WDR1: variants seen among roughly 807,000 people sequenced by gnomAD.
The protein encoded by WDR1 is WD repeat domain 1.
A neutral mutation model predicts 71.9 loss-of-function variants in WDR1; 21 were observed. That is an observed-to-expected ratio of 0.29 (90% CI 0.21 to 0.42). WDR1 has a LOEUF of 0.42. WDR1 is among the 10% of genes least tolerant of loss of function. The pLI, the probability that WDR1 is intolerant of heterozygous loss-of-function variation, is 1.00. For missense variants in WDR1, 696 were observed against 824.5 expected, an observed-to-expected ratio of 0.84 and a Z score of 1.91; for synonymous variants, 424 against 347.4, an observed-to-expected ratio of 1.22 and a Z score of -2.45.
rs1263805799 is a variant in WDR1, at chr4:10,078,975, C to T, written c.1311G>A (p.Lys437=). Residue 437 remains lysine (K), a synonymous_variant, in exon 12 of 15, where the codon AAG becomes AAA. Coordinates refer to ENST00000499869, the MANE Select transcript of WDR1 (RefSeq NM_017491.5). ...AGCCGGGGTTGTCGATGCTGAAGCA[C>T]TTCCTCTGATCCTTCAGCAGGACAA... is the stretch of plus-strand genomic sequence containing the variant. The part of the protein sequence containing the change: ...GQIVLLKDQR[K]CFSIDNPGYE... 2.5e-6 allele frequency: 4 copies of T among 1,611,480 alleles called. No individual in the cohort carries two copies. The highest frequency in any genetic ancestry group is 3.4e-6 in the Non-Finnish European group (4 of 1,178,534).
At chr4:10,085,086 G>A (rs1765160780) in intron 8 of WDR1, among the ~76,000 whole-genome samples, 1 of 152,228 alleles carries the variant, frequency 6.6e-6, no homozygotes, top group Non-Finnish European at 1.5e-5. Context: ...CCTGACTGCT[G>A]CAGTGGAGGG....
intron 5 of WDR1, chr4:10,093,233 G>A: frequency 9.5e-7 from 1 of 1,048,828 alleles, no homozygotes; most frequent in South Asian, 1.4e-5. Context: ...AGCTGACCCT[G>A]TACACAAGAG....
At chr4:10,098,183 C>T (rs772989641) in intron 4 of WDR1, among the ~76,000 whole-genome samples, 27 of 152,230 alleles carry the variant, frequency 1.8e-4, no homozygotes, top group Admixed American at 6.5e-4. Context: ...ATCTTTACAG[C>T]TTCACCATTC....
Position 10,081,378 on chromosome 4 carries a change from G to A in WDR1, c.1263C>T (p.Ala421=), listed in dbSNP as rs767832798. ...KCVAVGPGGY[A]VVVCIGQIVL... ...CTACCTGTCCAATGCACACGACCAC[G>A]GCGTATCCCCCGGGGCCGACGGCTA... The change falls in exon 11 of 15, where the codon GCC becomes GCT. Residue 421 remains alanine (A), a synonymous_variant. Transcript: ENST00000499869. 9.3e-6 allele frequency: 15 copies of A among 1,613,720 alleles called. No homozygotes were observed. The highest frequency in any genetic ancestry group is 1.6e-4 in the Middle Eastern group (1 of 6,082).
Position 10,116,096 on chromosome 4 carries a change from G to A in WDR1, c.138+17C>T. 3 of 1,610,682 alleles carry A rather than the reference G, an allele frequency of 1.9e-6. No homozygotes were observed. The highest frequency in any genetic ancestry group is 2.5e-6 in the Non-Finnish European group (3 of 1,178,252). On this transcript the variant is annotated intron_variant, in intron 2 of 14. Coordinates refer to ENST00000499869, the MANE Select transcript of WDR1 (RefSeq NM_017491.5). The stretch of plus-strand genomic sequence containing the variant: ...TGGCTCCGGAGCAGAACCGCGCCCG[G>A]GGTAGGGGGTACTCACGTCGATGTT...
intron 2 of WDR1, among the ~76,000 whole-genome samples, chr4:10,115,133 T>C (rs780485783): frequency 6.6e-6 from 1 of 152,182 alleles, no homozygotes; most frequent in African/African-American, 2.4e-5. Flanking sequence ...TACATCTTTG[T>C]GCCAGCCGCC....
At chr4:10,103,536 G>A (rs1015508295) in intron 3 of WDR1, among the ~76,000 whole-genome samples, 2 of 152,004 alleles carry the variant, frequency 1.3e-5, no homozygotes, top group Non-Finnish European at 2.9e-5. Flanking sequence ...GCTTCCCTGG[G>A]CCACAGATAA....
intron 5 of WDR1, among the ~76,000 whole-genome samples, chr4:10,093,315 G>T (rs974180346): frequency 1.3e-5 from 2 of 152,192 alleles, no homozygotes; most frequent in Admixed American, 6.5e-5. Context: ...TCGGTCCCCT[G>T]TGCCCAGTCC....
rs1480016060 is a variant in WDR1, at chr4:10,077,771, G to A, written c.1551C>T (p.Ser517=). 8 of 1,598,264 alleles carry A rather than the reference G, an allele frequency of 5.0e-6. No homozygotes were observed. The highest frequency in any genetic ancestry group is 1.1e-5 in the South Asian group (1 of 88,714). Residue 517 remains serine (S), a synonymous_variant, in exon 13 of 15, where the codon AGC becomes AGT. Transcript: ENST00000499869. ...CDASKVVTVF[S]VADGYSENNV... The stretch of plus-strand genomic sequence containing the variant: ...CACTCACCGAGTAGCCGTCAGCAAC[G>A]CTGAACACTGTGACCACCTTGCTGG...
intron 5 of WDR1, among the ~76,000 whole-genome samples, chr4:10,094,196 G>C (rs1006679916): frequency 1.3e-5 from 2 of 152,206 alleles, no homozygotes; most frequent in South Asian, 2.1e-4. Context: ...AGGACGACAT[G>C]CTGCTCTAAG....
rs1711709344 is a variant in WDR1 at position 10,088,190 on chromosome 4, C to CT, written c.717+102dup. 5 of 1,188,982 alleles carry CT rather than the reference C, an allele frequency of 4.2e-6. No homozygotes were observed. In the South Asian group the frequency reaches 6.5e-5, roughly 16 times the overall value. The allele number at this position is 1,188,982 out of a possible 1,614,324, so 73.7% of individuals were successfully genotyped here. A position where few individuals can be genotyped will look rare whatever the true frequency, so the allele number is the denominator to read the frequency against. On this transcript the variant is annotated intron_variant, in intron 7 of 14. Transcript: ENST00000499869. ...ATAAAACCGCCCCGACTTATAGCCC[C>CT]TCATTTCAAGTTTTTGTCTAACTCC...
rs1377758538 is a variant in WDR1, at chr4:10,081,458, A to C, written c.1197-14T>G. ...ACTCCTTGTCCGCTGTTAGAGAGAAAGGAAGCACATTACTTCGACAATGCA... is the reference window on the plus strand; with the variant it reads ...ACTCCTTGTCCGCTGTTAGAGAGAACGGAAGCACATTACTTCGACAATGCA... On this transcript the variant is annotated splice_polypyrimidine_tract_variant and intron_variant, in intron 10 of 14. Transcript: ENST00000499869. 1 of 1,613,028 alleles carries C rather than the reference A, an allele frequency of 6.2e-7. No homozygotes were observed. The highest frequency in any genetic ancestry group is 8.5e-7 in the Non-Finnish European group (1 of 1,179,210).
Position 10,087,874 on chromosome 4 carries a change from C to T in WDR1, c.784G>A (p.Asp262Asn). ...CTGACCACGGAGTTCACGCTGACGT[C>T]CCAAATCTTGGAAGTTTTGTCCCCA... ...ASGDKTSKIWDVSVNSVVSTF... is the reference protein window; with the variant it reads ...ASGDKTSKIWNVSVNSVVSTF... Residue 262 changes from aspartate to asparagine, a missense_variant, in exon 8 of 15, where the codon GAC becomes AAC. Asp to Asn is a conservative substitution (Grantham distance 23). Transcript: ENST00000499869. 6.4e-7 allele frequency: 1 copy of T among 1,567,054 alleles called. No homozygotes were observed. The highest frequency in any genetic ancestry group is 8.7e-7 in the Non-Finnish European group (1 of 1,155,052).
chr4:10,115,963 G>A, intron 2 of WDR1, 150 bp downstream of exon 2: 1 of 1,064,934 alleles, frequency 9.4e-7, no homozygotes, highest in South Asian at 1.6e-5. Flanking sequence ...GGCTTCCGGG[G>A]CTCCGAGGTG....
chr4:10,103,750 C>T, intron 3 of WDR1, 146 bp downstream of exon 3: 2 of 692,368 alleles, frequency 2.9e-6, no homozygotes, highest in East Asian at 2.7e-5. Context: ...ATACTGGCTC[C>T]CCTCAACTCA....
chr4:10,087,697 C>A lies in WDR1; in HGVS notation c.951+10G>T, dbSNP rs773122183. On this transcript the variant is annotated intron_variant, in intron 8 of 14. Transcript: ENST00000499869. Reference sequence around the variant, plus strand: ...CCAGCGGGCAGAGCCTTCCCCAGGGCAGGCCTTACCTTGATGACGTGCAGG... The same window carrying A: ...CCAGCGGGCAGAGCCTTCCCCAGGGAAGGCCTTACCTTGATGACGTGCAGG... The A allele has an allele frequency of 2.5e-6, 4 of 1,573,468 alleles. No individual in the cohort carries two copies. The highest frequency in any genetic ancestry group is 2.7e-5 in the African/African-American group (2 of 74,284).
intron 5 of WDR1, among the ~76,000 whole-genome samples, chr4:10,097,089 C>T (rs991664680): frequency 6.6e-6 from 1 of 152,242 alleles, no homozygotes; most frequent in African/African-American, 2.4e-5. Context: ...TGCTGCTGGC[C>T]CCGGCACACC....
At chr4:10,115,838 C>CA (rs2108811819) in intron 2 of WDR1, 1 of 400,456 alleles carries the variant, frequency 2.5e-6, no homozygotes, top group Non-Finnish European at 4.6e-6. Context: ...GCTTAGCTTC[C>CA]AAGATCAGAG....
chr4:10,110,820 C>T (rs1173030542), intron 2 of WDR1, among the ~76,000 whole-genome samples: 1 of 152,216 alleles, frequency 6.6e-6, no homozygotes, highest in East Asian at 1.9e-4. Context: ...GATGTTTGGC[C>T]ACAACCCTGA....
Sources: allele counts gnomAD v4.1 joint callset (sites outside exome capture counted in the v4.1 genomes callset), GRCh38; gene constraint gnomAD v4.1.1; transcripts MANE v1.5; gene names NCBI Gene and HGNC (gene_info 2026-07-23, HGNC 2026-07-21).